ACTR3B: variants seen among roughly 807,000 people sequenced by gnomAD.
The protein encoded by ACTR3B is actin-related protein 3B.
ACTR3B carries 8 observed loss-of-function variants against 59.0 expected under a neutral mutation model. The observed-to-expected ratio is 0.14, with a 90% CI of 0.08 to 0.24. The LOEUF is 0.24. ACTR3B is among the 10% of genes least tolerant of loss of function. The probability of loss-of-function intolerance (pLI) is 1.00; values close to 1 mark genes in which losing one functional copy is unlikely to be tolerated. For missense variants in ACTR3B, 245 were observed against 552.3 expected (o/e 0.44, Z 5.58); for synonymous variants, 148 against 197.9 (o/e 0.75, Z 2.12).
chr7:152,814,606 T>C lies in ACTR3B; in HGVS notation c.393T>C (p.Phe131=), dbSNP rs752704368. The change falls in exon 5 of 12, where the codon TTT becomes TTC. Residue 131 remains phenylalanine, a synonymous_variant. Transcript: ENST00000256001. ...ENREYLAEIM[F]ESFNVPGLYI... ...GAGAGTATCTTGCAGAAATTATGTT[T>C]GAATCATTTAACGTACCAGGACTCT... The C allele has an allele frequency of 2.0e-5, 32 of 1,613,658 alleles. No individual in the cohort carries two copies. Among genetic ancestry groups the C allele is most frequent in the Middle Eastern group, 1.6e-4 (1 of 6,078 alleles).
At chr7:152,821,041 G>T (rs1442017165) in intron 7 of ACTR3B, among the ~76,000 whole-genome samples, 1 of 152,096 alleles carries the variant, frequency 6.6e-6, no homozygotes, top group Non-Finnish European at 1.5e-5. Context: ...GTGTTTTTAG[G>T]TCAGGAGGCA....
intron 10 of ACTR3B, 150 bp from the exon 11 acceptor site, chr7:152,853,344 C>T (rs1013388031): frequency 6.2e-5 from 41 of 666,502 alleles, no homozygotes; most frequent in East Asian, 5.2e-4. Flanking sequence ...GCAGCAGGGG[C>T]GGAGAGTCAC....
intron 9 of ACTR3B, among the ~76,000 whole-genome samples, chr7:152,831,769 C>T (rs1340202364): frequency 1.3e-5 from 2 of 152,086 alleles, no homozygotes; most frequent in African/African-American, 4.8e-5. Flanking sequence ...CCCTGGACCT[C>T]ATGTTTGAAC....
intron 3 of ACTR3B, 99 bp downstream of exon 3, chr7:152,800,754 T>C: frequency 1.4e-6 from 2 of 1,423,170 alleles, no homozygotes; most frequent in Non-Finnish European, 1.9e-6. Flanking sequence ...TTGTAGAATG[T>C]GTTATGTTTG....
At chr7:152,784,800 C>G (rs886784687) in intron 2 of ACTR3B, among the ~76,000 whole-genome samples, 2 of 151,968 alleles carry the variant, frequency 1.3e-5, no homozygotes, top group South Asian at 4.2e-4. Context: ...TCGCTGGTGT[C>G]TCTTTCTCTG....
chr7:152,832,855 A>G (rs187214859), intron 9 of ACTR3B, among the ~76,000 whole-genome samples: 182 of 152,328 alleles, frequency 1.2e-3, no homozygotes, highest in Non-Finnish European at 1.6e-3. Context: ...AGGCCCAACC[A>G]CATTATAGAG....
chr7:152,817,156 G>A (rs866073972), intron 6 of ACTR3B, among the ~76,000 whole-genome samples: 30 of 152,158 alleles, frequency 2.0e-4, no homozygotes, highest in South Asian at 1.9e-3. Flanking sequence ...AGGCCAAGGC[G>A]GGCGGATCAC....
chr7:152,811,682 C>G (rs545466045), intron 4 of ACTR3B: 2 of 151,644 alleles, frequency 1.3e-5, no homozygotes, highest in Admixed American at 6.6e-5. Context: ...ATATATTTAC[C>G]CTGTATTTGT....
chr7:152,802,249 C>G (rs1269922502), intron 4 of ACTR3B, among the ~76,000 whole-genome samples: 1 of 152,052 alleles, frequency 6.6e-6, no homozygotes, highest in African/African-American at 2.4e-5. Flanking sequence ...GAGTGGGGAC[C>G]AGGAGAACCT....
chr7:152,821,773 G>A (rs1283037009), intron 7 of ACTR3B, among the ~76,000 whole-genome samples: 12 of 152,310 alleles, frequency 7.9e-5, no homozygotes, highest in African/African-American at 2.9e-4. Context: ...GGGTAGCCCT[G>A]TTAGTTCTCA....
At chr7:152,834,457 G>A (rs1257459471) in intron 9 of ACTR3B, among the ~76,000 whole-genome samples, 7 of 152,154 alleles carry the variant, frequency 4.6e-5, no homozygotes, top group Non-Finnish European at 8.8e-5. Flanking sequence ...CCCGGTTGTC[G>A]CTGTTTATGT....
In ACTR3B at chr7:152,854,781, C is replaced by G; in HGVS notation, c.*228C>G. 3 of 500,188 alleles carry G rather than the reference C, an allele frequency of 6.0e-6. No homozygotes were observed. Among genetic ancestry groups the G allele is most frequent in the Non-Finnish European group, 1.1e-5 (3 of 278,756 alleles). 31.0% of individuals were successfully genotyped at this position (500,188 alleles called of 1,614,324 possible). Reference sequence around the variant, plus strand: ...CCTTCTCCCGCCCTCCTCACCCTCGCTCTCCCTCCTCCTCCTCCTCCGAGC... The same window carrying G: ...CCTTCTCCCGCCCTCCTCACCCTCGGTCTCCCTCCTCCTCCTCCTCCGAGC... On this transcript the variant is annotated 3_prime_UTR_variant, in exon 12 of 12. Transcript: ENST00000256001. This position sits in a 1 kb window ranked among gnomAD's most constrained non-coding sequence, Gnocchi z 4.9.
intron 2 of ACTR3B, among the ~76,000 whole-genome samples, chr7:152,795,038 T>C (rs76778634): frequency 1.0e-3 from 56 of 54,096 alleles, no homozygotes; most frequent in Non-Finnish European, 1.1e-3. Context: ...TTCACTCTCT[T>C]TTTTTTTTTT....
intron 2 of ACTR3B, among the ~76,000 whole-genome samples, chr7:152,784,487 T>A (rs2098165037): frequency 6.6e-6 from 1 of 152,070 alleles, no homozygotes; most frequent in Admixed American, 6.6e-5. Context: ...TGAATGTGAT[T>A]TTCTAGATCT....
chr7:152,786,084 G>C (rs533512085), intron 2 of ACTR3B, among the ~76,000 whole-genome samples: 417 of 18,666 alleles, frequency 0.022, 11 homozygotes, highest in Middle Eastern at 0.091. Context: ...TGGTCCTGCC[G>C]CAGCTTCAGG....
chr7:152,797,629 T>G (rs1048528946), intron 2 of ACTR3B, among the ~76,000 whole-genome samples: 1 of 152,192 alleles, frequency 6.6e-6, no homozygotes, highest in Non-Finnish European at 1.5e-5. Flanking sequence ...TGTAATTTAT[T>G]TCTCCTATCT....
intron 4 of ACTR3B, chr7:152,810,812 G>T (rs1356633902): frequency 6.6e-6 from 1 of 151,342 alleles, no homozygotes; most frequent in Non-Finnish European, 1.5e-5. Context: ...AGAGGCAGGA[G>T]AATTGCTTGA....
intron 4 of ACTR3B, among the ~76,000 whole-genome samples, chr7:152,808,738 A>T (rs973390924): frequency 6.6e-6 from 1 of 152,204 alleles, no homozygotes; most frequent in Non-Finnish European, 1.5e-5. Flanking sequence ...GATGAGAAAC[A>T]TAGGTTTCTT....
At chr7:152,801,063 C>T (rs574733095) in intron 3 of ACTR3B, among the ~76,000 whole-genome samples, 4 of 152,256 alleles carry the variant, frequency 2.6e-5, no homozygotes, top group East Asian at 3.8e-4. Context: ...AGTTTTCTAT[C>T]GGTTCCTCAT....
Sources: gnomAD v4.1 joint callset for allele counts (sites outside exome capture counted in the v4.1 genomes callset) on GRCh38, gnomAD v4.1.1 for gene constraint, Gnocchi (gnomAD v3.1) non-coding constraint, MANE v1.5 for transcripts, NCBI Gene and HGNC (gene_info 2026-07-23, HGNC 2026-07-21) for gene names.